The following MAP2K5 variants were observed in gnomAD, a reference collection of about 807,000 sequenced individuals.
MAP2K5 encodes the protein mitogen-activated protein kinase kinase 5.
MAP2K5 carries 49 observed loss-of-function variants against 83.1 expected under a neutral mutation model. The ratio of observed to expected loss-of-function variants is 0.59; its 90% confidence interval spans 0.47 to 0.75. The LOEUF (loss-of-function observed/expected upper bound fraction) is 0.75. Ranked by LOEUF, MAP2K5 falls within the 30% of genes least tolerant of loss-of-function variation. The probability of loss-of-function intolerance (pLI) is 0.00; values close to 1 mark genes in which losing one functional copy is unlikely to be tolerated. For missense variants in MAP2K5, 457 were observed against 557.5 expected (o/e 0.82, Z 1.82); for synonymous variants, 202 against 191.8 (o/e 1.05, Z -0.44).
chr15:67,610,776 G>A (rs1289851844), intron 8 of MAP2K5, among the ~76,000 whole-genome samples: 1 of 152,136 alleles, frequency 6.6e-6, no homozygotes, highest in South Asian at 2.1e-4. Context: ...AGAGATTTAG[G>A]TTGTGGGTAT....
At chr15:67,593,944 G>A (rs1037548616) in intron 7 of MAP2K5, among the ~76,000 whole-genome samples, 15 of 152,326 alleles carry the variant, frequency 9.8e-5, no homozygotes, top group South Asian at 6.2e-4. Context: ...CCTCATGCCT[G>A]TCCTTTAATA....
chr15:67,706,901 A>G (rs1162317658), intron 16 of MAP2K5, among the ~76,000 whole-genome samples: 1 of 152,102 alleles, frequency 6.6e-6, no homozygotes, highest in Non-Finnish European at 1.5e-5. Context: ...TGAAGGTTAC[A>G]AGAGAAACCC....
intron 13 of MAP2K5, among the ~76,000 whole-genome samples, chr15:67,672,203 G>T (rs1367580693): frequency 4.6e-5 from 7 of 150,630 alleles, no homozygotes; most frequent in Non-Finnish European, 8.9e-5. Context: ...GGGTCAAATG[G>T]TATTTCTAGT....
intron 3 of MAP2K5, among the ~76,000 whole-genome samples, chr15:67,566,570 C>T (rs1010919230): frequency 6.6e-6 from 1 of 152,158 alleles, no homozygotes; most frequent in Non-Finnish European, 1.5e-5. Context: ...AATAGAGGCA[C>T]TTTTACCATT....
chr15:67,604,548 G>A (rs1364137230), intron 8 of MAP2K5, among the ~76,000 whole-genome samples: 1 of 152,162 alleles, frequency 6.6e-6, no homozygotes, highest in Non-Finnish European at 1.5e-5. Flanking sequence ...CCTTTGGCAA[G>A]TTATATAATG....
At chr15:67,582,915 A>G (rs2085212363) in intron 4 of MAP2K5, among the ~76,000 whole-genome samples, 1 of 151,750 alleles carries the variant, frequency 6.6e-6, no homozygotes, top group Non-Finnish European at 1.5e-5. Context: ...TCTTCATCCA[A>G]ATTCTTTCAA....
At chr15:67,695,932 C>T (rs952663221) in intron 15 of MAP2K5, among the ~76,000 whole-genome samples, 1 of 151,942 alleles carries the variant, frequency 6.6e-6, no homozygotes, top group Non-Finnish European at 1.5e-5. Flanking sequence ...GCATAAGATA[C>T]CTAGAAAAGG....
At chr15:67,547,327 C>T (rs1022294018) in intron 1 of MAP2K5, among the ~76,000 whole-genome samples, 1 of 151,818 alleles carries the variant, frequency 6.6e-6, no homozygotes, top group African/African-American at 2.4e-5. Context: ...TCTTTATGCT[C>T]GTGGCATGTT....
Position 67,586,033 on chromosome 15 carries a change from A to G in MAP2K5, c.363+103A>G, listed in dbSNP as rs1302152809. ...AAACTGCACTTTCTCAAGCTCTGAC[A>G]AGCGATCCTTTTATTTTTTTTAAAT... On this transcript the variant is annotated intron_variant, in intron 5 of 21. Coordinates refer to ENST00000178640, the MANE Select transcript of MAP2K5 (RefSeq NM_145160.3). 8.6e-6 allele frequency: 9 copies of G among 1,042,340 alleles called. No homozygotes were observed. The East Asian group carries it at 1.5e-4, about 17-fold the overall frequency. The allele number at this position is 1,042,340 out of a possible 1,614,324, so 64.6% of individuals were successfully genotyped here. A position where few individuals can be genotyped will look rare whatever the true frequency, so the allele number is the denominator to read the frequency against.
chr15:67,699,538 C>A (rs907618764), intron 15 of MAP2K5, among the ~76,000 whole-genome samples: 2 of 152,142 alleles, frequency 1.3e-5, no homozygotes, highest in Non-Finnish European at 2.9e-5. Context: ...TAGATTTACA[C>A]CCTGGGTATA....
At chr15:67,590,612 C>T (rs1461711430) in intron 6 of MAP2K5, among the ~76,000 whole-genome samples, 1 of 152,076 alleles carries the variant, frequency 6.6e-6, no homozygotes, top group Non-Finnish European at 1.5e-5. Context: ...GCCGCCATGC[C>T]TGGCTAAGTT....
At chr15:67,575,928 T>TCTTTCTTTCTTTCTTTCTTTCTTTC (rs1596583471) in intron 3 of MAP2K5, among the ~76,000 whole-genome samples, 7 of 51,320 alleles carry the variant, frequency 1.4e-4, no homozygotes, top group African/African-American at 6.9e-4. Context: ...TTTTTTTTTT[T>TCTTTCTTTCTTTCTTTCTTTCTTTC]TTTTTTTTTA....
Position 67,701,664 on chromosome 15 carries a change from G to A in MAP2K5, c.973-1673G>A, listed in dbSNP as rs562581286. Among the ~76,000 whole-genome samples, 11 of 152,246 alleles carry A rather than the reference G, an allele frequency of 7.2e-5. No homozygotes were observed. In the South Asian group the frequency reaches 2.3e-3, roughly 32 times the overall value. On this transcript the variant is annotated intron_variant, in intron 15 of 21. Transcript: ENST00000178640. The stretch of plus-strand genomic sequence containing the variant: ...AAATATTTAGTGACTGGAGCTAAGT[G>A]TACCAAAGAATCACCCAGAGAAATT...
chr15:67,678,774 G>A lies in MAP2K5; in HGVS notation c.848-13705G>A, dbSNP rs2087741378. Among the ~76,000 whole-genome samples, 3 of 152,068 alleles carry A rather than the reference G, an allele frequency of 2.0e-5. No individual in the cohort carries two copies. In the South Asian group the frequency reaches 6.2e-4, roughly 31 times the overall value. On this transcript the variant is annotated intron_variant, in intron 13 of 21. Transcript: ENST00000178640. ...AGGTCAGTAGTTTGAGACCAGCCTGGCCAATATGGAGAAACCCCATCTCTA... is the reference window on the plus strand; with the variant it reads ...AGGTCAGTAGTTTGAGACCAGCCTGACCAATATGGAGAAACCCCATCTCTA...
chr15:67,543,418 C>T lies in MAP2K5; in HGVS notation c.83C>T (p.Ala28Val), dbSNP rs2084334985. The T allele has an allele frequency of 6.2e-7, 1 of 1,613,988 alleles. No homozygotes were observed. The highest frequency in any genetic ancestry group is 8.5e-7 in the Non-Finnish European group (1 of 1,180,020). Residue 28 changes from alanine (A) to valine (V), a missense_variant, in exon 1 of 22, where the codon GCG becomes GTG. This residue lies in a region of MAP2K5 where 234 missense variants were observed against 243.6 expected (regional missense o/e 0.96). Coordinates refer to ENST00000178640, the MANE Select transcript of MAP2K5 (RefSeq NM_145160.3). The surrounding 1 kb of genome is among the most constrained non-coding windows in gnomAD (Gnocchi z 4.3). ...VIRIKIPNSGAVDWTVHSGPQ... is the reference protein window; with the variant it reads ...VIRIKIPNSGVVDWTVHSGPQ... ...CGCATCAAGATCCCAAATAGTGGCG[C>T]GGTGGACTGGACAGTGCACTCCGGG...
chr15:67,799,155 C>T (rs1264353856), intron 21 of MAP2K5, among the ~76,000 whole-genome samples: 7 of 152,180 alleles, frequency 4.6e-5, no homozygotes, highest in Admixed American at 2.6e-4. Flanking sequence ...GGCGACAGAG[C>T]GAGACTCCGT....
intron 12 of MAP2K5, among the ~76,000 whole-genome samples, chr15:67,661,110 T>C (rs2087226580): frequency 6.6e-6 from 1 of 152,088 alleles, no homozygotes; most frequent in Non-Finnish European, 1.5e-5. Context: ...CTCTGTGATA[T>C]GTTATTCAAA....
chr15:67,608,012 G>T (rs909755727), intron 8 of MAP2K5, among the ~76,000 whole-genome samples: 1 of 152,130 alleles, frequency 6.6e-6, no homozygotes, highest in Admixed American at 6.5e-5. Flanking sequence ...GAAAAAAATA[G>T]TTTTGAAGTG....
chr15:67,672,929 T>C (rs1466857001), intron 13 of MAP2K5, among the ~76,000 whole-genome samples: 2 of 152,044 alleles, frequency 1.3e-5, no homozygotes, highest in Non-Finnish European at 2.9e-5. Context: ...ATCCTTTCCC[T>C]ATTGCTTGTT....
Sources: allele counts gnomAD v4.1 joint callset (sites outside exome capture counted in the v4.1 genomes callset), GRCh38; gene constraint gnomAD v4.1.1; regional missense constraint gnomAD v4.1.1; non-coding constraint Gnocchi (gnomAD v3.1); transcripts MANE v1.5; gene names NCBI Gene and HGNC (gene_info 2026-07-23, HGNC 2026-07-21).